Variants in PKIG observed in about 807,000 individuals in gnomAD.
The protein encoded by PKIG is protein kinase (cAMP-dependent, catalytic) inhibitor gamma.
PKIG carries 1 observed loss-of-function variant against 6.8 expected under a neutral mutation model. That is an observed-to-expected ratio of 0.15 (90% CI 0.05 to 0.69). PKIG has a LOEUF of 0.69. Ranked by LOEUF, PKIG falls within the 30% of genes least tolerant of loss-of-function variation. The pLI is 0.82. For missense variants in PKIG, 77 were observed against 104.0 expected, an observed-to-expected ratio of 0.74 and a Z score of 1.13; for synonymous variants, 39 against 43.0, an observed-to-expected ratio of 0.91 and a Z score of 0.36.
chr20:44,595,758 A>C (rs86786), intron 2 of PKIG, among the ~76,000 whole-genome samples: 118,480 of 151,960 alleles, frequency 0.78, 46,473 homozygotes, highest in African/African-American at 0.81. Context: ...GTGATCCGCC[A>C]GCCTTGGCCT....
chr20:44,593,006 CAAG>C (rs2065045715), intron 2 of PKIG, among the ~76,000 whole-genome samples: 1 of 152,098 alleles, frequency 6.6e-6, no homozygotes, highest in South Asian at 2.1e-4. Context: ...CAATCTTGAG[CAAG>C]AAGATCTAAG....
At chr20:44,568,957 T>G (rs2064832337) in intron 1 of PKIG, among the ~76,000 whole-genome samples, 1 of 152,210 alleles carries the variant, frequency 6.6e-6, no homozygotes, top group South Asian at 2.1e-4. Context: ...TCTATAGTGG[T>G]TTCTCTTGGA....
At chr20:44,603,528 A>G (rs2065139421) in intron 2 of PKIG, among the ~76,000 whole-genome samples, 1 of 152,038 alleles carries the variant, frequency 6.6e-6, no homozygotes, top group Admixed American at 6.6e-5. Context: ...GAGATTTGTA[A>G]TGTCATCAGG....
At chr20:44,550,703 C>T (rs1013156716) in intron 1 of PKIG, among the ~76,000 whole-genome samples, 2 of 152,132 alleles carry the variant, frequency 1.3e-5, no homozygotes, top group African/African-American at 4.8e-5. Context: ...ACAACTGCTC[C>T]ATGAAATAGG....
At chr20:44,583,044 C>T (rs1356381088) in intron 1 of PKIG, among the ~76,000 whole-genome samples, 2 of 152,174 alleles carry the variant, frequency 1.3e-5, no homozygotes, top group Non-Finnish European at 2.9e-5. Flanking sequence ...AATAAATCTT[C>T]CCTAAGAAAT....
chr20:44,533,482 G>A (rs760027298), intron 1 of PKIG, among the ~76,000 whole-genome samples: 8 of 152,206 alleles, frequency 5.3e-5, no homozygotes, highest in Non-Finnish European at 1.0e-4. Context: ...ATTGTGAAAG[G>A]GGGCGCATGT....
chr20:44,560,065 CA>C (rs113467337), intron 1 of PKIG, among the ~76,000 whole-genome samples: 33,511 of 122,944 alleles, frequency 0.27, 5,032 homozygotes, highest in African/African-American at 0.47. Context: ...GAAAAAAATA[CA>C]AAAAAAAAAA....
chr20:44,574,592 G>GTTTTT (rs1379270674), intron 1 of PKIG, among the ~76,000 whole-genome samples: 4 of 148,470 alleles, frequency 2.7e-5, no homozygotes, highest in Non-Finnish European at 6.0e-5. Flanking sequence ...TTTTGTTTTT[G>GTTTTT]TTTTTGCAAT....
At chr20:44,610,187 A>G (rs1271545280) in intron 2 of PKIG, among the ~76,000 whole-genome samples, 1 of 152,196 alleles carries the variant, frequency 6.6e-6, no homozygotes, top group Non-Finnish European at 1.5e-5. Flanking sequence ...GCCGGGGGGA[A>G]TTGCCGTGGA....
At chr20:44,561,219 C>G (rs1444641669) in intron 1 of PKIG, among the ~76,000 whole-genome samples, 1 of 152,190 alleles carries the variant, frequency 6.6e-6, no homozygotes, top group East Asian at 1.9e-4. Context: ...CGCCTGTGAT[C>G]TCAGCTACTT....
chr20:44,582,950 A>G (rs547425630), intron 1 of PKIG, among the ~76,000 whole-genome samples: 1 of 152,332 alleles, frequency 6.6e-6, no homozygotes, highest in East Asian at 1.9e-4. Flanking sequence ...CTCCATTCAG[A>G]TGCTGTTTCA....
intron 1 of PKIG, among the ~76,000 whole-genome samples, chr20:44,550,251 A>G (rs2064655755): frequency 6.6e-6 from 1 of 151,780 alleles, no homozygotes; most frequent in South Asian, 2.1e-4. Flanking sequence ...ATTAAAAGAT[A>G]AAAATGAAAA....
At chr20:44,601,283 C>T (rs761050914) in intron 2 of PKIG, among the ~76,000 whole-genome samples, 4 of 152,246 alleles carry the variant, frequency 2.6e-5, no homozygotes, top group African/African-American at 4.8e-5. Context: ...AGGCCAAGGC[C>T]CGGCCTCTCT....
intron 1 of PKIG, among the ~76,000 whole-genome samples, chr20:44,576,588 C>G (rs1488946572): frequency 1.3e-5 from 2 of 152,198 alleles, no homozygotes; most frequent in Non-Finnish European, 2.9e-5. Flanking sequence ...CTCAAACCTT[C>G]TCCTGTTGGA....
At chr20:44,532,443 A>G (rs1395025294) in intron 1 of PKIG, among the ~76,000 whole-genome samples, 3 of 152,192 alleles carry the variant, frequency 2.0e-5, no homozygotes, top group Admixed American at 2.0e-4. Flanking sequence ...CCCTCAATAC[A>G]TGGGAGCTTT....
At chr20:44,544,112 A>G (rs1439724268) in intron 1 of PKIG, among the ~76,000 whole-genome samples, 1 of 151,410 alleles carries the variant, frequency 6.6e-6, no homozygotes, top group African/African-American at 2.4e-5. Flanking sequence ...AATTTTTCTC[A>G]GAAGCCTCCA....
intron 1 of PKIG, among the ~76,000 whole-genome samples, chr20:44,561,617 T>A (rs1337864877): frequency 2.0e-5 from 3 of 152,104 alleles, no homozygotes; most frequent in Non-Finnish European, 2.9e-5. Flanking sequence ...TTAAAAAAAT[T>A]TTTTTTTCAA....
chr20:44,551,239 A>G (rs1382989106), intron 1 of PKIG, among the ~76,000 whole-genome samples: 2 of 152,136 alleles, frequency 1.3e-5, no homozygotes, highest in African/African-American at 4.8e-5. Flanking sequence ...TATTTTTAGT[A>G]GAGACGGGGT....
intron 2 of PKIG, among the ~76,000 whole-genome samples, chr20:44,600,223 A>G (rs565517380): frequency 4.6e-5 from 7 of 152,310 alleles, no homozygotes; most frequent in Admixed American, 1.3e-4. Context: ...AAGAGAGTAG[A>G]AATGAGACAA....
Sources: gnomAD v4.1 joint callset for allele counts (sites outside exome capture counted in the v4.1 genomes callset) on GRCh38, gnomAD v4.1.1 for gene constraint, MANE v1.5 for transcripts, NCBI Gene and HGNC (gene_info 2026-07-23, HGNC 2026-07-21) for gene names.